Variants in BEND2 observed in about 807,000 individuals in gnomAD.
BEND2 encodes BEN domain containing 2, also known as BEN domain-containing protein 2.
A neutral mutation model predicts 43.8 loss-of-function variants in BEND2; 19 were observed. That is an observed-to-expected ratio of 0.43 (90% CI 0.30 to 0.64). The LOEUF is 0.64. Among genes scored for constraint, BEND2 ranks in the 30% least tolerant of loss-of-function variants. The probability of loss-of-function intolerance (pLI) is 0.11; values close to 1 mark genes in which losing one functional copy is unlikely to be tolerated. For synonymous variants in BEND2, 226 were observed against 210.1 expected (o/e 1.08, Z -0.66); for missense variants, 544 against 574.0 (o/e 0.95, Z 0.53).
intron 4 of BEND2, among the ~76,000 whole-genome samples, chrX:18,205,002 C>T (rs1290956239): frequency 9.0e-6 from 1 of 111,554 alleles, no homozygotes; most frequent in African/African-American, 3.3e-5. Flanking sequence ...ACAGATGTGA[C>T]TTTTGGCTTC....
chrX:18,181,553 T>C (rs185519348), intron 8 of BEND2, among the ~76,000 whole-genome samples: 2 of 111,883 alleles, frequency 1.8e-5, no homozygotes, highest in African/African-American at 3.2e-5. Flanking sequence ...CTAAATCATA[T>C]GGAATGACTG....
At chrX:18,202,409 T>C (rs1925195821) in intron 5 of BEND2, among the ~76,000 whole-genome samples, 1 of 112,297 alleles carries the variant, frequency 8.9e-6, no homozygotes, top group Non-Finnish European at 1.9e-5. Context: ...TGTGATCGTA[T>C]TAAGAAATGG....
intron 2 of BEND2, among the ~76,000 whole-genome samples, chrX:18,215,319 T>C (rs781778418): frequency 2.7e-5 from 3 of 112,238 alleles, no homozygotes; most frequent in South Asian, 7.4e-4. Flanking sequence ...ACCTCTATTC[T>C]ACTTTCTGTC....
chrX:18,181,011 G>A (rs1279762375), intron 8 of BEND2, among the ~76,000 whole-genome samples: 1 of 110,670 alleles, frequency 9.0e-6, no homozygotes, highest in East Asian at 2.9e-4. Flanking sequence ...CTGACCTCAA[G>A]TGATCTGCCT....
chrX:18,171,397 A>G (rs1442271307), intron 12 of BEND2, among the ~76,000 whole-genome samples, 193 bp from the exon 13 acceptor site: 1 of 112,115 alleles, frequency 8.9e-6, no homozygotes, highest in East Asian at 2.8e-4. Flanking sequence ...GCTGGAATGC[A>G]GTAGCACAAT....
At chrX:18,200,502 C>CA (rs397895069) in intron 6 of BEND2, among the ~76,000 whole-genome samples, 2,447 of 38,215 alleles carry the variant, frequency 0.064, 75 homozygotes, top group African/African-American at 0.14. Context: ...GACTCTGTCT[C>CA]AAAAAAAAAA....
intron 13 of BEND2, among the ~76,000 whole-genome samples, chrX:18,169,323 T>G (rs1202245972): frequency 9.1e-6 from 1 of 110,479 alleles, no homozygotes; most frequent in Non-Finnish European, 1.9e-5. Flanking sequence ...TGAGTTGGAG[T>G]GTTAATTATA....
In BEND2 at chrX:18,201,880, G is replaced by T; in HGVS notation, c.968C>A (p.Thr323Asn). 1 of 1,210,148 alleles carries T rather than the reference G, an allele frequency of 8.3e-7. No homozygotes were observed. Among genetic ancestry groups the T allele is most frequent in the Non-Finnish European group, 1.1e-6 (1 of 894,736 alleles). Residue 323 changes from threonine (T) to asparagine (N), a missense_variant, in exon 6 of 14, where the codon ACT becomes AAT. This residue lies in a region of BEND2 where 501 missense variants were observed against 501.6 expected (regional missense o/e 1.00). Coordinates refer to ENST00000380033, the MANE Select transcript of BEND2 (RefSeq NM_153346.5). The stretch of plus-strand genomic sequence containing the variant: ...TTGGCCATTGTAATTTCCCATTAAA[G>T]TTGGATAATTCGCTGTCTCAGTGCT... The part of the protein sequence containing the change: ...KNSTETANYP[T>N]LMGNYNGQNT...
chrX:18,195,359 A>C lies in BEND2; in HGVS notation c.1117T>G (p.Leu373Val). ...NNSQTVYYPA[L>V]SGNTSAPYPA... ...TATGGGGCACTCGTATTTCCCGATA[A>C]AGCTGGGTAATACACTGTCTGAGAG... The change falls in exon 7 of 14, where the codon TTA becomes GTA. Residue 373 changes from leucine (L) to valine (V), a missense_variant. Physicochemically the swap from Leu to Val is conservative, Grantham distance 32. This residue lies in a region of BEND2 where 501 missense variants were observed against 501.6 expected (regional missense o/e 1.00). Coordinates refer to ENST00000380033, the MANE Select transcript of BEND2 (RefSeq NM_153346.5). 1 of 1,208,060 alleles carries C rather than the reference A, an allele frequency of 8.3e-7. No homozygotes were observed.
At chrX:18,211,432 T>C (rs1053160212) in intron 4 of BEND2, among the ~76,000 whole-genome samples, 1 of 111,746 alleles carries the variant, frequency 8.9e-6, no homozygotes, top group Non-Finnish European at 1.9e-5. Flanking sequence ...CATAAGCATG[T>C]TCATAGTCAC....
intron 11 of BEND2, 43 bp downstream of exon 11, chrX:18,175,929 A>G (rs1197882687): frequency 1.8e-6 from 2 of 1,137,713 alleles, no homozygotes; most frequent in East Asian, 3.1e-5. Flanking sequence ...ACACAGTACA[A>G]ACTCAGGTAA....
At chrX:18,195,682 A>G (rs1924920777) in intron 6 of BEND2, among the ~76,000 whole-genome samples, 1 of 110,138 alleles carries the variant, frequency 9.1e-6, no homozygotes. Context: ...GAAGTTCGAG[A>G]CCAGCCTGGA....
At chrX:18,166,460 G>A (rs898284344) in intron 13 of BEND2, among the ~76,000 whole-genome samples, 3 of 111,867 alleles carry the variant, frequency 2.7e-5, no homozygotes, top group Admixed American at 9.5e-5. Context: ...AAATCCCACA[G>A]AAAAGATAAG....
intron 7 of BEND2, among the ~76,000 whole-genome samples, chrX:18,192,495 C>T (rs770547834): frequency 1.8e-5 from 2 of 111,760 alleles, no homozygotes; most frequent in East Asian, 2.8e-4. Context: ...ACATAATTGG[C>T]GAGAATGTAA....
intron 9 of BEND2, among the ~76,000 whole-genome samples, chrX:18,178,508 T>C (rs1001473050): frequency 2.7e-5 from 3 of 112,216 alleles, no homozygotes; most frequent in African/African-American, 9.7e-5. Flanking sequence ...CTTTTTCCTA[T>C]TTATTTTTTT....
Position 18,176,025 on chromosome X carries a change from A to T in BEND2, c.1699T>A (p.Ser567Thr), listed in dbSNP as rs1306214810. The change falls in exon 11 of 14, where the codon TCT (serine) becomes ACT (threonine). Residue 567 changes from serine (S) to threonine (T), a missense_variant. Ser to Thr is a moderately conservative substitution (Grantham distance 58). Transcript: ENST00000380033. ...EHGKDWQDCI[S>T]GINSMIYCLC... ...CAGTAGATCATAGAATTGATACCAG[A>T]AATACAGTCCTGCCAGTCTTTTCCA... The T allele has an allele frequency of 8.3e-6, 10 of 1,200,668 alleles. No individual in the cohort carries two copies. The highest frequency in any genetic ancestry group is 1.1e-5 in the Non-Finnish European group (10 of 888,396).
At chrX:18,181,170 C>T (rs1924372312) in intron 8 of BEND2, among the ~76,000 whole-genome samples, 1 of 111,557 alleles carries the variant, frequency 9.0e-6, no homozygotes, top group Non-Finnish European at 1.9e-5. Flanking sequence ...ATGGAACAGC[C>T]ACACTGGAAA....
chrX:18,219,960 C>T (rs1437820065), intron 1 of BEND2, among the ~76,000 whole-genome samples: 1 of 111,374 alleles, frequency 9.0e-6, no homozygotes, highest in Non-Finnish European at 1.9e-5. Context: ...AAAACAACAA[C>T]AAAAAACCTC....
intron 13 of BEND2, among the ~76,000 whole-genome samples, chrX:18,167,588 G>C (rs1322834113): frequency 9.0e-6 from 1 of 111,024 alleles, no homozygotes. Flanking sequence ...CATTGAGACA[G>C]GGTCTCACTC....
Sources: gnomAD v4.1 joint callset for allele counts (sites outside exome capture counted in the v4.1 genomes callset) on GRCh38, gnomAD v4.1.1 for gene constraint, gnomAD v4.1.1 regional missense constraint, MANE v1.5 for transcripts, NCBI Gene and HGNC (gene_info 2026-07-23, HGNC 2026-07-21) for gene names.